Variants in HIRA observed in about 807,000 individuals in gnomAD.
HIRA encodes the protein histone cell cycle regulator, also known as protein HIRA.
A neutral mutation model predicts 126.6 loss-of-function variants in HIRA; 13 were observed. The observed-to-expected ratio is 0.10, with a 90% CI of 0.07 to 0.16. The LOEUF (loss-of-function observed/expected upper bound fraction) is 0.16, where lower values mean the gene tolerates loss of function less well. Ranked by LOEUF, HIRA falls within the 10% of genes least tolerant of loss-of-function variation. HIRA has a pLI of 1.00. For missense variants in HIRA, 834 were observed against 1,314.4 expected, an observed-to-expected ratio of 0.63 and a Z score of 5.65; for synonymous variants, 511 against 520.0, an observed-to-expected ratio of 0.98 and a Z score of 0.24.
Position 19,361,229 on chromosome 22 carries a change from G to C in HIRA, c.2085+8C>G, listed in dbSNP as rs112954166. Reference sequence around the variant, plus strand: ...CTGAGGGAGAACTGGCAGGGTCCTAGAACTTACCTGGAGGGTGAATGCTCT... The same window carrying C: ...CTGAGGGAGAACTGGCAGGGTCCTACAACTTACCTGGAGGGTGAATGCTCT... On this transcript the variant is annotated splice_region_variant and intron_variant, in intron 17 of 24. Transcript: ENST00000263208. The C allele has an allele frequency of 4.0e-5, 64 of 1,610,748 alleles. No individual in the cohort carries two copies. In the African/African-American group the frequency reaches 5.5e-4, roughly 14 times the overall value.
intron 10 of HIRA, among the ~76,000 whole-genome samples, 156 bp from the exon 11 acceptor site, chr22:19,387,972 CG>C (rs1239558796): frequency 4.8e-3 from 179 of 36,920 alleles, no homozygotes; most frequent in South Asian, 0.037. Context: ...TTGGCCTGGG[CG>C]GGGGGGGGAG....
At chr22:19,356,745 CA>C in intron 19 of HIRA, 144 bp downstream of exon 19, 1 of 772,606 alleles carries the variant, frequency 1.3e-6, no homozygotes, top group South Asian at 1.8e-5. Context: ...CCAACACAAG[CA>C]ATATCACTAA....
chr22:19,392,016 C>A, intron 9 of HIRA, 85 bp downstream of exon 9: 1 of 726,816 alleles, frequency 1.4e-6, no homozygotes, highest in East Asian at 2.6e-5. Context: ...TTAGCATCAC[C>A]CAAAGCAGGT....
At chr22:19,424,726 A>C (rs1292661025) in intron 1 of HIRA, among the ~76,000 whole-genome samples, 1 of 152,128 alleles carries the variant, frequency 6.6e-6, no homozygotes, top group African/African-American at 2.4e-5. Context: ...CATCTAGTGG[A>C]ATCTTGGTGC....
chr22:19,415,125 T>G (rs1480808083), intron 1 of HIRA, among the ~76,000 whole-genome samples: 1 of 152,040 alleles, frequency 6.6e-6, no homozygotes. Context: ...AGTGCTGGAA[T>G]TACAGGCTTG....
chr22:19,382,089 C>T (rs2089078993), intron 13 of HIRA, among the ~76,000 whole-genome samples: 2 of 152,118 alleles, frequency 1.3e-5, no homozygotes, highest in South Asian at 4.2e-4. Context: ...TATATTTATG[C>T]TTTTTCTCTT....
At chr22:19,410,501 C>T (rs931198260) in intron 2 of HIRA, among the ~76,000 whole-genome samples, 5 of 152,178 alleles carry the variant, frequency 3.3e-5, no homozygotes, top group Admixed American at 6.5e-5. Context: ...TAGAATGATA[C>T]ATCCGCTGCC....
At chr22:19,412,105 T>C (rs2089357794) in intron 1 of HIRA, among the ~76,000 whole-genome samples, 1 of 152,248 alleles carries the variant, frequency 6.6e-6, no homozygotes, top group Admixed American at 6.5e-5. Context: ...AGAAGTAATG[T>C]TGCTCCAGTT....
intron 15 of HIRA, 109 bp downstream of exon 15, chr22:19,375,522 T>C (rs1425673476): frequency 8.5e-7 from 1 of 1,174,582 alleles, no homozygotes; most frequent in Non-Finnish European, 1.2e-6. Context: ...GTGGCTAGAG[T>C]CTTTTCCCCA....
At chr22:19,352,568 C>T (rs1192630050) in intron 23 of HIRA, among the ~76,000 whole-genome samples, 1 of 152,182 alleles carries the variant, frequency 6.6e-6, no homozygotes, top group African/African-American at 2.4e-5. Flanking sequence ...CACACACACA[C>T]ATACACTCGT....
At chr22:19,394,260 A>C (rs968381408) in intron 8 of HIRA, 82 bp downstream of exon 8, 1 of 1,463,580 alleles carries the variant, frequency 6.8e-7, no homozygotes, top group African/African-American at 1.4e-5. Context: ...TAAATATTTA[A>C]GTATAACTAT....
Position 19,429,262 on chromosome 22 carries a change from CG to C in HIRA, c.37+2177del, listed in dbSNP as rs200469956. On this transcript the variant is annotated intron_variant, in intron 1 of 24. Coordinates refer to ENST00000263208, the MANE Select transcript of HIRA (RefSeq NM_003325.4). ...AAGCGATTCTCCTGTCTCAGCCTCCCGAGTAGTTGGGACTACAGGTGCGTAC... is the reference window on the plus strand; with the variant it reads ...AAGCGATTCTCCTGTCTCAGCCTCCCAGTAGTTGGGACTACAGGTGCGTAC... Among the ~76,000 whole-genome samples, 896 of 151,152 alleles carry C rather than the reference CG, an allele frequency of 5.9e-3. 5 individuals are homozygous for C. Among genetic ancestry groups the C allele is most frequent in the African/African-American group, 0.019 (800 of 41,158 alleles).
intron 14 of HIRA, among the ~76,000 whole-genome samples, chr22:19,376,445 C>T (rs538003030): frequency 1.2e-4 from 19 of 152,318 alleles, no homozygotes; most frequent in Non-Finnish European, 2.5e-4. Context: ...CTCCTAAGCA[C>T]ACCCAGGCTA....
chr22:19,368,284 C>T (rs2088932378), intron 15 of HIRA, among the ~76,000 whole-genome samples: 1 of 152,208 alleles, frequency 6.6e-6, no homozygotes, highest in South Asian at 2.1e-4. Context: ...ACTGGGAAGA[C>T]AAGAGGCCCA....
At chr22:19,384,322 CAAAAAA>C (rs71317140) in intron 12 of HIRA, among the ~76,000 whole-genome samples, 3 of 66,816 alleles carry the variant, frequency 4.5e-5, no homozygotes, top group Non-Finnish European at 8.1e-5. Context: ...GACTCCATCT[CAAAAAA>C]AAAAAAAAAA....
intron 5 of HIRA, 90 bp from the exon 6 acceptor site, chr22:19,398,177 A>G (rs934683707): frequency 2.3e-6 from 2 of 867,202 alleles, no homozygotes; most frequent in African/African-American, 1.7e-5. Context: ...ACCTGGGACC[A>G]TCATAACCAC....
intron 5 of HIRA, among the ~76,000 whole-genome samples, chr22:19,402,805 T>A (rs894711249): frequency 6.6e-6 from 1 of 152,124 alleles, no homozygotes; most frequent in African/African-American, 2.4e-5. Context: ...GACTCTACCA[T>A]GTTAAGGAAA....
chr22:19,413,242 T>C (rs895652423), intron 1 of HIRA, among the ~76,000 whole-genome samples: 3 of 151,910 alleles, frequency 2.0e-5, no homozygotes, highest in Non-Finnish European at 2.9e-5. Flanking sequence ...GGCTCCACAA[T>C]AGCAGTGTGG....
intron 12 of HIRA, among the ~76,000 whole-genome samples, chr22:19,384,409 T>C (rs942795151): frequency 6.6e-6 from 1 of 151,890 alleles, no homozygotes; most frequent in Admixed American, 6.6e-5. Context: ...ACACTAAGTA[T>C]GTATAACTTT....
Sources: gnomAD v4.1 joint callset for allele counts (sites outside exome capture counted in the v4.1 genomes callset) on GRCh38, gnomAD v4.1.1 for gene constraint, MANE v1.5 for transcripts, NCBI Gene and HGNC (gene_info 2026-07-23, HGNC 2026-07-21) for gene names.